TBC1D5: variants seen among roughly 807,000 people sequenced by gnomAD.
TBC1D5 encodes TBC1 domain family member 5.
TBC1D5 carries 75 observed loss-of-function variants against 100.3 expected under a neutral mutation model. That is an observed-to-expected ratio of 0.75 (90% CI 0.62 to 0.91). The LOEUF (loss-of-function observed/expected upper bound fraction) is 0.91, where lower values mean the gene tolerates loss of function less well. Among genes scored for constraint, TBC1D5 ranks in the 40% least tolerant of loss-of-function variants. The probability of loss-of-function intolerance (pLI) is 0.00; values close to 1 mark genes in which losing one functional copy is unlikely to be tolerated. For synonymous variants in TBC1D5, 323 were observed against 325.6 expected (o/e 0.99, Z 0.09); for missense variants, 910 against 942.4 (o/e 0.97, Z 0.45).
At chr3:17,547,108 G>T (rs2096424664) in intron 2 of TBC1D5, 1 of 152,002 alleles carries the variant, frequency 6.6e-6, no homozygotes, top group African/African-American at 2.4e-5. Context: ...AAAAACAGTA[G>T]GAATCTTTAC....
At chr3:17,183,620 G>C (rs1187205787) in intron 19 of TBC1D5, among the ~76,000 whole-genome samples, 1 of 152,174 alleles carries the variant, frequency 6.6e-6, no homozygotes, top group Non-Finnish European at 1.5e-5. Flanking sequence ...CCCTGCAGGA[G>C]TGGTTGAGAT....
intron 2 of TBC1D5, among the ~76,000 whole-genome samples, chr3:17,525,195 T>C (rs957475663): frequency 2.0e-5 from 3 of 152,070 alleles, no homozygotes; most frequent in Non-Finnish European, 4.4e-5. Flanking sequence ...AATGACGCGA[T>C]CTCGGCTCAC....
At chr3:17,599,847 C>T (rs1336640817) in intron 2 of TBC1D5, among the ~76,000 whole-genome samples, 2 of 152,016 alleles carry the variant, frequency 1.3e-5, no homozygotes, top group African/African-American at 2.4e-5. Context: ...AGGGAACTTT[C>T]CCATCTCAAA....
At chr3:17,193,840 G>A (rs2070294259) in intron 18 of TBC1D5, among the ~76,000 whole-genome samples, 1 of 152,112 alleles carries the variant, frequency 6.6e-6, no homozygotes, top group South Asian at 2.1e-4. Flanking sequence ...TTAGAACAGA[G>A]GACACACTTA....
chr3:17,700,232 A>G (rs1374856304), intron 1 of TBC1D5, among the ~76,000 whole-genome samples: 5 of 152,180 alleles, frequency 3.3e-5, no homozygotes, highest in South Asian at 4.1e-4. Flanking sequence ...ATGGGGAAAC[A>G]ATTCCCTATT....
At chr3:17,391,987 T>C (rs376969832) in intron 8 of TBC1D5, among the ~76,000 whole-genome samples, 4 of 152,110 alleles carry the variant, frequency 2.6e-5, no homozygotes, top group African/African-American at 7.2e-5. Flanking sequence ...CTTTCTTGGT[T>C]TGAAAATAAA....
At chr3:17,522,356 C>T (rs1325832689) in intron 2 of TBC1D5, among the ~76,000 whole-genome samples, 1 of 151,682 alleles carries the variant, frequency 6.6e-6, no homozygotes, top group African/African-American at 2.4e-5. Flanking sequence ...TATAAGCCCT[C>T]AAAATGGGAA....
chr3:17,716,140 A>G (rs1333889316), intron 1 of TBC1D5, among the ~76,000 whole-genome samples: 1 of 152,196 alleles, frequency 6.6e-6, no homozygotes, highest in Non-Finnish European at 1.5e-5. Flanking sequence ...TGAACAACTT[A>G]AGACATAAAA....
At chr3:17,515,910 C>A (rs879357945) in intron 2 of TBC1D5, among the ~76,000 whole-genome samples, 2 of 152,080 alleles carry the variant, frequency 1.3e-5, no homozygotes, top group Non-Finnish European at 2.9e-5. Context: ...TCTTTGGAAT[C>A]GTTATCAAAT....
At chr3:17,619,537 T>C (rs558641370) in intron 2 of TBC1D5, among the ~76,000 whole-genome samples, 33 of 152,168 alleles carry the variant, frequency 2.2e-4, no homozygotes, top group East Asian at 1.2e-3. Context: ...TTTTAAACAA[T>C]AGACGAGAAA....
intron 13 of TBC1D5, among the ~76,000 whole-genome samples, chr3:17,326,329 A>G (rs910171730): frequency 2.0e-5 from 3 of 152,172 alleles, no homozygotes; most frequent in Non-Finnish European, 4.4e-5. Flanking sequence ...TGTACATGCT[A>G]TTAGTTACTA....
At chr3:17,424,554 T>C (rs977856963) in intron 4 of TBC1D5, among the ~76,000 whole-genome samples, 1 of 152,208 alleles carries the variant, frequency 6.6e-6, no homozygotes, top group African/African-American at 2.4e-5. Context: ...AAACCAACAA[T>C]GTCTTCTCAA....
chr3:17,166,919 T>G, exon 21 of TBC1D5: 1 of 1,603,758 alleles, frequency 6.2e-7, no homozygotes, highest in Non-Finnish European at 8.5e-7. Context: ...CCTTTTAGAA[T>G]GTCTTTGATC....
chr3:17,707,640 T>C (rs2074307529), intron 1 of TBC1D5, among the ~76,000 whole-genome samples: 1 of 152,182 alleles, frequency 6.6e-6, no homozygotes, highest in Non-Finnish European at 1.5e-5. Context: ...GTTACTGGAT[T>C]TATCATGGTT....
chr3:17,609,602 G>A (rs772978277), intron 2 of TBC1D5, among the ~76,000 whole-genome samples: 60 of 152,034 alleles, frequency 3.9e-4, no homozygotes, highest in Non-Finnish European at 2.1e-4. Context: ...TATCTTTTTT[G>A]GGGGTTTGGG....
At chr3:17,661,153 T>C (rs565818031) in intron 1 of TBC1D5, among the ~76,000 whole-genome samples, 162 of 152,192 alleles carry the variant, frequency 1.1e-3, no homozygotes, top group Admixed American at 2.0e-3. Context: ...TAATGTTGCA[T>C]ACATTTCCCA....
intron 3 of TBC1D5, among the ~76,000 whole-genome samples, chr3:17,471,009 G>A (rs975793403): frequency 2.6e-5 from 4 of 152,134 alleles, no homozygotes; most frequent in Admixed American, 1.3e-4. Context: ...TGTGAATGAC[G>A]ATACCATATC....
intron 13 of TBC1D5, among the ~76,000 whole-genome samples, chr3:17,361,592 G>T (rs920679684): frequency 6.6e-6 from 1 of 151,830 alleles, no homozygotes; most frequent in Non-Finnish European, 1.5e-5. Flanking sequence ...ATTTTTAAAA[G>T]ATATCAGAAT....
At chr3:17,450,223 C>T (rs2094894376) in intron 3 of TBC1D5, among the ~76,000 whole-genome samples, 1 of 152,140 alleles carries the variant, frequency 6.6e-6, no homozygotes, top group South Asian at 2.1e-4. Flanking sequence ...AAAACCCCAT[C>T]CAAAAGTCAT....
Sources: gnomAD v4.1 joint callset for allele counts (sites outside exome capture counted in the v4.1 genomes callset) on GRCh38, gnomAD v4.1.1 for gene constraint, MANE v1.5 for transcripts, NCBI Gene and HGNC (gene_info 2026-07-23, HGNC 2026-07-21) for gene names.